PTPN5: variants seen among roughly 807,000 people sequenced by gnomAD.
PTPN5 encodes the protein tyrosine-protein phosphatase non-receptor type 5.
Under a neutral mutation model 73.9 loss-of-function variants are expected in PTPN5, and 29 were observed. The ratio of observed to expected loss-of-function variants is 0.39; its 90% CI spans 0.29 to 0.54. PTPN5 has a LOEUF of 0.54. PTPN5 is among the 20% of genes least tolerant of loss of function. PTPN5 has a pLI of 0.65. For missense variants in PTPN5, 652 were observed against 751.4 expected, an observed-to-expected ratio of 0.87 and a Z score of 1.55; for synonymous variants, 267 against 304.7, an observed-to-expected ratio of 0.88 and a Z score of 1.29.
chr11:18,782,155 G>A (rs1289609883), intron 1 of PTPN5, among the ~76,000 whole-genome samples: 1 of 152,224 alleles, frequency 6.6e-6, no homozygotes, highest in Admixed American at 6.5e-5. Flanking sequence ...ATGCTAGTTG[G>A]CATTTAGAAA....
intron 2 of PTPN5, among the ~76,000 whole-genome samples, chr11:18,771,188 C>T (rs367762443): frequency 1.3e-5 from 2 of 152,076 alleles, no homozygotes; most frequent in Non-Finnish European, 2.9e-5. Context: ...CCTGGTACCC[C>T]GTAAATACCC....
Position 18,733,137 on chromosome 11 carries a change from C to G in PTPN5, c.1218+98G>C. 9 of 1,517,204 alleles carry G rather than the reference C, an allele frequency of 5.9e-6. No homozygotes were observed. Among genetic ancestry groups the G allele is most frequent in the Non-Finnish European group, 8.0e-6 (9 of 1,121,418 alleles). The allele number at this position is 1,517,204 out of a possible 1,614,324, so 94.0% of individuals were successfully genotyped here. On this transcript the variant is annotated intron_variant, in intron 11 of 14. Coordinates refer to ENST00000358540, the MANE Select transcript of PTPN5 (RefSeq NM_006906.2). This position sits in a 1 kb window ranked among gnomAD's most constrained non-coding sequence, Gnocchi z 4.3. The stretch of plus-strand genomic sequence containing the variant: ...ATCTTGGCAGCGGAGTGAACACCGC[C>G]GACCTCTTGAGATTGTCATAAAGAT...
intron 3 of PTPN5, among the ~76,000 whole-genome samples, chr11:18,753,994 C>T (rs1850012588): frequency 1.3e-5 from 2 of 152,180 alleles, no homozygotes; most frequent in Admixed American, 1.3e-4. Context: ...CAACAAAAAA[C>T]ACACATTAAA....
At chr11:18,743,185 G>C (rs1849452918) in intron 5 of PTPN5, 110 bp from the exon 6 acceptor site, 1 of 1,210,810 alleles carries the variant, frequency 8.3e-7, no homozygotes, top group Admixed American at 1.8e-5. Flanking sequence ...GTCTGGGATG[G>C]GGAGCAGGCA....
chr11:18,747,067 T>C (rs1043813860), intron 3 of PTPN5, among the ~76,000 whole-genome samples: 3 of 152,110 alleles, frequency 2.0e-5, no homozygotes, highest in African/African-American at 7.2e-5. Context: ...GAACTAGAAT[T>C]CAGCGCTTCT....
At chr11:18,748,309 T>C (rs559893061) in intron 3 of PTPN5, among the ~76,000 whole-genome samples, 2 of 152,168 alleles carry the variant, frequency 1.3e-5, no homozygotes, top group Admixed American at 6.5e-5. Flanking sequence ...ATATGAAAGA[T>C]AGGTTAACTG....
intron 3 of PTPN5, among the ~76,000 whole-genome samples, chr11:18,749,078 C>T (rs999823785): frequency 1.3e-5 from 2 of 152,242 alleles, no homozygotes; most frequent in Non-Finnish European, 1.5e-5. Flanking sequence ...CCTCTGCATA[C>T]GCAATTGCAT....
At chr11:18,768,523 G>T (rs1850735524) in intron 2 of PTPN5, among the ~76,000 whole-genome samples, 1 of 152,224 alleles carries the variant, frequency 6.6e-6, no homozygotes, top group Non-Finnish European at 1.5e-5. Flanking sequence ...CCTCTGGAAG[G>T]GGACCCATGT....
chr11:18,731,885 C>T (rs1848893905), intron 12 of PTPN5, among the ~76,000 whole-genome samples: 1 of 152,152 alleles, frequency 6.6e-6, no homozygotes, highest in Non-Finnish European at 1.5e-5. Flanking sequence ...CCTCTTCCAG[C>T]CTTTGGGGTT....
chr11:18,780,465 C>G (rs1222751158), intron 1 of PTPN5, among the ~76,000 whole-genome samples: 1 of 152,128 alleles, frequency 6.6e-6, no homozygotes, highest in Non-Finnish European at 1.5e-5. Flanking sequence ...CTCATCAGGG[C>G]CCCTGCCCCC....
intron 1 of PTPN5, among the ~76,000 whole-genome samples, chr11:18,784,678 T>A (rs1851589888): frequency 6.6e-6 from 1 of 152,078 alleles, no homozygotes; most frequent in Non-Finnish European, 1.5e-5. Flanking sequence ...CACAATTTAA[T>A]AAAAGCCTCC....
intron 8 of PTPN5, 128 bp downstream of exon 8, chr11:18,740,475 A>G: frequency 1.2e-6 from 1 of 805,566 alleles, no homozygotes; most frequent in Non-Finnish European, 1.8e-6. Context: ...ATGGTGGGAG[A>G]GCTGATAATA....
intron 1 of PTPN5, among the ~76,000 whole-genome samples, chr11:18,778,738 T>G (rs7129580): frequency 0.72 from 109,283 of 152,088 alleles, 39,516 homozygotes; most frequent in East Asian, 0.97. Context: ...GCTGGCCATG[T>G]GCCAATTAAA....
chr11:18,785,885 T>G (rs1851644100), intron 1 of PTPN5, among the ~76,000 whole-genome samples: 1 of 152,202 alleles, frequency 6.6e-6, no homozygotes, highest in Non-Finnish European at 1.5e-5. Flanking sequence ...TAGCCCAAAG[T>G]TAGGAATTCC....
intron 11 of PTPN5, among the ~76,000 whole-genome samples, 158 bp from the exon 12 acceptor site, chr11:18,732,860 C>T (rs560103622): frequency 3.3e-5 from 5 of 152,210 alleles, no homozygotes; most frequent in South Asian, 2.1e-4. Context: ...AAGCTACTTC[C>T]GTTTCCTGAG....
intron 8 of PTPN5, among the ~76,000 whole-genome samples, chr11:18,740,082 G>T (rs937368499): frequency 7.4e-4 from 112 of 152,318 alleles, no homozygotes; most frequent in African/African-American, 2.5e-3. Flanking sequence ...GTAAACAGGG[G>T]TGCCATTTAT....
Position 18,743,414 on chromosome 11 carries a change from G to A in PTPN5, c.307C>T (p.Leu103Phe), listed in dbSNP as rs1288347887. 6.2e-7 allele frequency: 1 copy of A among 1,614,032 alleles called. No homozygotes were observed. Among genetic ancestry groups the A allele is most frequent in the Non-Finnish European group, 8.5e-7 (1 of 1,180,026 alleles). Residue 103 changes from leucine to phenylalanine, a missense_variant, in exon 5 of 15, where the codon CTC becomes TTC. Around this residue, in one of 3 missense-constraint regions of PTPN5, gnomAD observed 529 missense variants for 573.9 expected, o/e 0.92. Transcript: ENST00000358540. ...ASQFLLACGV[L>F]WFSGYGHIWS... is the part of the protein sequence containing the mutation. ...ATGTGGCCATAACCGCTGAACCAGA[G>A]CACCCCACAGGCAAGCTGGGGCACA...
intron 12 of PTPN5, 113 bp downstream of exon 12, chr11:18,732,479 A>T: frequency 1.3e-6 from 1 of 758,344 alleles, no homozygotes. Flanking sequence ...TCTGGGAGTG[A>T]CACTGGCTTT....
At chr11:18,766,793 G>T (rs1271153317) in intron 2 of PTPN5, among the ~76,000 whole-genome samples, 1 of 152,204 alleles carries the variant, frequency 6.6e-6, no homozygotes, top group Admixed American at 6.5e-5. Flanking sequence ...TGCCTTTCAT[G>T]TCTCTGACCC....
Sources: gnomAD v4.1 joint callset for allele counts (sites outside exome capture counted in the v4.1 genomes callset) on GRCh38, gnomAD v4.1.1 for gene constraint, gnomAD v4.1.1 regional missense constraint, Gnocchi (gnomAD v3.1) non-coding constraint, MANE v1.5 for transcripts, NCBI Gene and HGNC (gene_info 2026-07-23, HGNC 2026-07-21) for gene names.